The following STAM2 variants were observed in gnomAD, a reference collection of about 807,000 sequenced individuals.
STAM2 encodes the protein signal transducing adaptor molecule 2.
Under a neutral mutation model 65.6 loss-of-function variants are expected in STAM2, and 51 were observed. The ratio of observed to expected loss-of-function variants is 0.78; its 90% confidence interval spans 0.62 to 0.98. The LOEUF (loss-of-function observed/expected upper bound fraction) is 0.98, where lower values mean the gene tolerates loss of function less well. STAM2 is among the 50% of genes least tolerant of loss of function. The pLI is 0.00. For synonymous variants in STAM2, 198 were observed against 208.4 expected (o/e 0.95, Z 0.43); for missense variants, 584 against 617.8 (o/e 0.95, Z 0.58).
intron 1 of STAM2, among the ~76,000 whole-genome samples, chr2:152,173,210 C>CAA (rs200244856): frequency 4.3e-4 from 51 of 117,494 alleles, no homozygotes; most frequent in African/African-American, 1.5e-3. Context: ...AAGGAATGAC[C>CAA]AAAAAAAAAA....
At chr2:152,128,234 C>T (rs528798770) in intron 11 of STAM2, among the ~76,000 whole-genome samples, 50 of 152,074 alleles carry the variant, frequency 3.3e-4, no homozygotes, top group African/African-American at 1.0e-3. Context: ...GGTGAAACCC[C>T]GTCTCTACTA....
At chr2:152,124,020 GA>G in intron 12 of STAM2, 85 bp from the exon 13 acceptor site, 2 of 1,151,954 alleles carry the variant, frequency 1.7e-6, no homozygotes, top group Non-Finnish European at 2.5e-6. Context: ...AGACTTAAAG[GA>G]AAGAAACTAT....
chr2:152,162,631 A>C (rs1689703674), intron 1 of STAM2, among the ~76,000 whole-genome samples: 1 of 152,150 alleles, frequency 6.6e-6, no homozygotes, highest in Non-Finnish European at 1.5e-5. Flanking sequence ...AAGCTGAGAC[A>C]CAGAAAATTA....
intron 5 of STAM2, 128 bp downstream of exon 5, chr2:152,147,034 T>C (rs1289730650): frequency 9.4e-6 from 8 of 848,512 alleles, no homozygotes; most frequent in Non-Finnish European, 1.4e-5. Flanking sequence ...GAAGGCACTA[T>C]GCTAGAGAGT....
At chr2:152,156,810 A>G (rs1689564222) in intron 1 of STAM2, among the ~76,000 whole-genome samples, 1 of 152,206 alleles carries the variant, frequency 6.6e-6, no homozygotes, top group African/African-American at 2.4e-5. Context: ...ACATAAAATA[A>G]GAATGCTGCA....
chr2:152,123,125 T>C (rs1446801806), intron 13 of STAM2, among the ~76,000 whole-genome samples: 1 of 150,776 alleles, frequency 6.6e-6, no homozygotes. Flanking sequence ...TCCCAGCACT[T>C]TGGGAGGCTG....
At chr2:152,128,569 G>C (rs1351355077) in intron 11 of STAM2, among the ~76,000 whole-genome samples, 1 of 152,192 alleles carries the variant, frequency 6.6e-6, no homozygotes, top group African/African-American at 2.4e-5. Context: ...AGAAAGACAT[G>C]ATCACTGTGT....
chr2:152,130,444 G>C (rs1579313427), intron 11 of STAM2, among the ~76,000 whole-genome samples: 1 of 151,830 alleles, frequency 6.6e-6, no homozygotes, highest in Non-Finnish European at 1.5e-5. Flanking sequence ...GTAGAGACGG[G>C]GTTTCACCAT....
intron 1 of STAM2, among the ~76,000 whole-genome samples, chr2:152,165,388 G>A (rs930727666): frequency 2.6e-5 from 4 of 151,786 alleles, no homozygotes; most frequent in South Asian, 2.1e-4. Context: ...CCGAGATAGC[G>A]CCACTGCACT....
chr2:152,167,535 A>G (rs1689808999), intron 1 of STAM2, among the ~76,000 whole-genome samples: 1 of 152,204 alleles, frequency 6.6e-6, no homozygotes, highest in Non-Finnish European at 1.5e-5. Context: ...GTGTTGGACA[A>G]ATATTGCCAA....
At chr2:152,143,580 G>A (rs1689287730) in intron 7 of STAM2, among the ~76,000 whole-genome samples, 1 of 151,964 alleles carries the variant, frequency 6.6e-6, no homozygotes, top group African/African-American at 2.4e-5. Flanking sequence ...TCCCAATTGT[G>A]GTCATCAACA....
chr2:152,140,331 G>A (rs1057342581), intron 7 of STAM2, among the ~76,000 whole-genome samples: 3 of 152,080 alleles, frequency 2.0e-5, no homozygotes, highest in African/African-American at 7.2e-5. Context: ...AACAAGGCAC[G>A]AACAAACAAA....
At chr2:152,154,058 G>A (rs2105554704) in intron 1 of STAM2, among the ~76,000 whole-genome samples, 1 of 152,298 alleles carries the variant, frequency 6.6e-6, no homozygotes, top group East Asian at 1.9e-4. Flanking sequence ...TAACACTTTT[G>A]TTATTAACAG....
At chr2:152,144,135 A>C in intron 6 of STAM2, 122 bp from the exon 7 acceptor site, 6 of 482,250 alleles carry the variant, frequency 1.2e-5, no homozygotes, top group Non-Finnish European at 1.4e-5. Context: ...TACATGCTAC[A>C]GTTAACTTTC....
rs541990089 is a variant in STAM2, at chr2:152,119,438, G to C, written c.*1136C>G. The C allele has an allele frequency of 2.0e-5, 3 of 152,230 alleles. No individual in the cohort carries two copies. The highest frequency in any genetic ancestry group is 1.9e-4 in the East Asian group (1 of 5,184). 9.4% of individuals were successfully genotyped at this position (152,230 alleles called of 1,614,324 possible). On this transcript the variant is annotated 3_prime_UTR_variant, in exon 14 of 14. Transcript: ENST00000263904. ...GCTGAGAATTACTTCTGAAAGAAAT[G>C]GTCAATTTTTTCAACAGCTTGGTAT... is the stretch of plus-strand genomic sequence containing the variant.
intron 1 of STAM2, among the ~76,000 whole-genome samples, chr2:152,160,283 G>A (rs1433838318): frequency 6.6e-6 from 1 of 150,526 alleles, no homozygotes; most frequent in Admixed American, 6.6e-5. Flanking sequence ...TAGGAAGTGA[G>A]GAGCGCCTCT....
In STAM2 at chr2:152,175,620, G is replaced by T; in HGVS notation, c.23C>A (p.Pro8His). 6.2e-7 allele frequency: 1 copy of T among 1,613,948 alleles called. No individual in the cohort carries two copies. The highest frequency in any genetic ancestry group is 1.3e-5 in the African/African-American group (1 of 75,018). The part of the protein sequence containing the change: MPLFTAN[P>H]FEQDVEKATN... Reference sequence around the variant, plus strand: ...GCACTCACCCACGTCTTGCTCGAAGGGGTTGGCGGTGAACAAAGGCATCTC... The same window carrying T: ...GCACTCACCCACGTCTTGCTCGAAGTGGTTGGCGGTGAACAAAGGCATCTC... The change falls in exon 1 of 14, where the codon CCC (proline) becomes CAC (histidine). Residue 8 changes from proline (P) to histidine (H), a missense_variant. Coordinates refer to ENST00000263904, the MANE Select transcript of STAM2 (RefSeq NM_005843.6).
chr2:152,158,233 T>C (rs1317694658), intron 1 of STAM2, among the ~76,000 whole-genome samples: 1 of 152,184 alleles, frequency 6.6e-6, no homozygotes, highest in Non-Finnish European at 1.5e-5. Flanking sequence ...TCCCAGCACT[T>C]TGGGAAGCCA....
In STAM2 at chr2:152,119,465, T is replaced by C. The variant is rs978026073; in HGVS notation, c.*1109A>G. ...TCAATTTTTTCAACAGCTTGGTATG[T>C]TGACAGCTTAGCAACGGTACTTGAA... On this transcript the variant is annotated 3_prime_UTR_variant, in exon 14 of 14. Transcript: ENST00000263904. 4 of 152,196 alleles carry C rather than the reference T, an allele frequency of 2.6e-5. No individual in the cohort carries two copies. The highest frequency in any genetic ancestry group is 9.7e-5 in the African/African-American group (4 of 41,442). The allele number at this position is 152,196 out of a possible 1,614,324, so 9.4% of individuals were successfully genotyped here.
Sources: allele counts gnomAD v4.1 joint callset (sites outside exome capture counted in the v4.1 genomes callset), GRCh38; gene constraint gnomAD v4.1.1; transcripts MANE v1.5; gene names NCBI Gene and HGNC (gene_info 2026-07-23, HGNC 2026-07-21).